FBXL13: variants seen among roughly 807,000 people sequenced by gnomAD.
FBXL13 encodes F-box and leucine rich repeat protein 13.
A neutral mutation model predicts 83.6 loss-of-function variants in FBXL13; 67 were observed. That is an observed-to-expected ratio of 0.80 (90% CI 0.66 to 0.98). The LOEUF (loss-of-function observed/expected upper bound fraction) is 0.98. Among genes scored for constraint, FBXL13 ranks in the 50% least tolerant of loss-of-function variants. The pLI, the probability that FBXL13 is intolerant of heterozygous loss-of-function variation, is 0.00. For synonymous variants in FBXL13, 272 were observed against 299.5 expected, an observed-to-expected ratio of 0.91 and a Z score of 0.95; for missense variants, 822 against 866.5, an observed-to-expected ratio of 0.95 and a Z score of 0.64.
At position 103,060,020 on chromosome 7, in the gene FBXL13, TTATATATATATATATATATATATA is replaced by T. The variant is rs772728840; in HGVS notation, c.-104-4297_-104-4274del. The stretch of plus-strand genomic sequence containing the variant: ...CAACAGATAATGATAGCAAGATATT[TTATATATATATATATATATATATA>T]TATATATATATATATATATACTTTT... On this transcript the variant is annotated intron_variant, in intron 1 of 19. Transcript: ENST00000313221. Among the ~76,000 whole-genome samples the T allele has an allele frequency of 1.7e-3, 87 of 50,082 alleles. 4 individuals carry two copies. The highest frequency in any genetic ancestry group is 2.4e-3 in the East Asian group (2 of 830). 32.9% of individuals were successfully genotyped at this position (50,082 alleles called of 152,430 possible).
At chr7:103,032,773 C>G (rs1418595391) in intron 2 of FBXL13, among the ~76,000 whole-genome samples, 7 of 152,298 alleles carry the variant, frequency 4.6e-5, no homozygotes, top group African/African-American at 1.7e-4. Flanking sequence ...CTCACACTTG[C>G]AATCCCAAAA....
chr7:102,885,092 G>A (rs989026405), intron 11 of FBXL13, among the ~76,000 whole-genome samples: 1 of 152,084 alleles, frequency 6.6e-6, no homozygotes, highest in Non-Finnish European at 1.5e-5. Flanking sequence ...ATATCTACAC[G>A]CATGTACATC....
At chr7:102,841,756 C>G (rs1802977751) in intron 17 of FBXL13, among the ~76,000 whole-genome samples, 1 of 152,146 alleles carries the variant, frequency 6.6e-6, no homozygotes, top group Non-Finnish European at 1.5e-5. Context: ...GGTATCTTGG[C>G]AAGAGTTTAT....
chr7:102,930,233 C>T (rs1195098591), intron 9 of FBXL13, among the ~76,000 whole-genome samples: 5 of 152,152 alleles, frequency 3.3e-5, no homozygotes, highest in Non-Finnish European at 7.4e-5. Context: ...TTTTCACCAG[C>T]GAGGAGGGCT....
At chr7:102,973,351 G>A in intron 6 of FBXL13, 2 of 651,114 alleles carry the variant, frequency 3.1e-6, no homozygotes, top group Non-Finnish European at 5.6e-6. Context: ...CCGGCCAGAA[G>A]ACACCTACCC....
chr7:102,871,870 G>T (rs552442759), intron 16 of FBXL13, among the ~76,000 whole-genome samples: 2 of 152,134 alleles, frequency 1.3e-5, no homozygotes, highest in East Asian at 3.9e-4. Context: ...CCTAGTTCAA[G>T]AACTCCTCAT....
intron 17 of FBXL13, among the ~76,000 whole-genome samples, chr7:102,852,553 G>A (rs1313069505): frequency 6.6e-6 from 1 of 152,084 alleles, no homozygotes; most frequent in African/African-American, 2.4e-5. Context: ...CTCAAAAGAA[G>A]CTATACAAAT....
chr7:103,036,941 T>G (rs943446641), intron 2 of FBXL13, among the ~76,000 whole-genome samples: 2 of 152,240 alleles, frequency 1.3e-5, no homozygotes, highest in Non-Finnish European at 2.9e-5. Context: ...CAATGTTTCT[T>G]AAACATGTTC....
At chr7:102,956,466 A>C (rs1175078718) in intron 8 of FBXL13, among the ~76,000 whole-genome samples, 11 of 152,188 alleles carry the variant, frequency 7.2e-5, no homozygotes, top group African/African-American at 2.4e-4. Flanking sequence ...CCCTTTGAAA[A>C]CCAGCACGAG....
intron 2 of FBXL13, among the ~76,000 whole-genome samples, chr7:103,053,099 T>C (rs1465005123): frequency 6.6e-6 from 1 of 152,010 alleles, no homozygotes; most frequent in Admixed American, 6.6e-5. Flanking sequence ...GAAGTAGCTA[T>C]GATGTCTCTT....
At chr7:102,972,100 G>A (rs1009728641) in intron 6 of FBXL13, among the ~76,000 whole-genome samples, 6 of 151,546 alleles carry the variant, frequency 4.0e-5, no homozygotes, top group Non-Finnish European at 8.8e-5. Context: ...CCTTCACAAA[G>A]GAACTTCTAA....
At chr7:103,015,060 G>T (rs1792125247) in intron 6 of FBXL13, among the ~76,000 whole-genome samples, 1 of 150,868 alleles carries the variant, frequency 6.6e-6, no homozygotes, top group Non-Finnish European at 1.5e-5. Flanking sequence ...ATCAATAAAT[G>T]TGATACACCA....
intron 16 of FBXL13, among the ~76,000 whole-genome samples, chr7:102,867,348 A>G (rs1437830373): frequency 1.3e-5 from 2 of 151,562 alleles, no homozygotes; most frequent in Non-Finnish European, 2.9e-5. Flanking sequence ...ACACAGAAAG[A>G]CTCTGTATCC....
intron 8 of FBXL13, among the ~76,000 whole-genome samples, chr7:102,956,898 T>A (rs1824360161): frequency 2.0e-5 from 3 of 152,120 alleles, no homozygotes; most frequent in Admixed American, 2.0e-4. Context: ...CACAAACAAA[T>A]GGAAGAACAT....
Position 102,934,189 on chromosome 7 carries a change from G to C in FBXL13, c.725-2256C>G, listed in dbSNP as rs755249993. The C allele has an allele frequency of 1.4e-5, 22 of 1,614,086 alleles. No individual in the cohort carries two copies. The Admixed American group carries it at 3.5e-4, about 26-fold the overall frequency. ...TGCACATGCTGCTAGCAAGAAACAA[G>C]ATCCGCACATTGAAGAACAACATGT... On this transcript the variant is annotated intron_variant, in intron 8 of 19. Transcript: ENST00000313221.
rs1828771822 is a variant in FBXL13, at chr7:102,985,012, C to T, written c.496-16895G>A. 3.9e-5 allele frequency among the ~76,000 whole-genome samples: 6 copies of T among 152,108 alleles called. No individual in the cohort carries two copies. In the South Asian group the frequency reaches 1.2e-3, roughly 32 times the overall value. ...ATTTTTATTTGCTAGTTCTGGCAAC[C>T]CTACCCTTGATTGGGGTCCTGCATT... On this transcript the variant is annotated intron_variant, in intron 6 of 19. Transcript: ENST00000313221.
rs148342745 is a variant in FBXL13 at position 103,065,422 on chromosome 7, G to A, written c.-105+8824C>T. Among the ~76,000 whole-genome samples the A allele has an allele frequency of 1.3e-3, 203 of 152,068 alleles. 1 individual carries two copies. In the East Asian group the frequency reaches 0.014, roughly 10 times the overall value. On this transcript the variant is annotated intron_variant, in intron 1 of 19. Transcript: ENST00000313221. ...TTGATAATGAAAATACCCACACCCC[G>A]GGTGTGGTTTCTTTCCAACTCTCCG...
intron 16 of FBXL13, among the ~76,000 whole-genome samples, chr7:102,862,221 C>T (rs1182896578): frequency 1.3e-5 from 2 of 150,618 alleles, no homozygotes; most frequent in South Asian, 2.1e-4. Flanking sequence ...CCCCGCTACT[C>T]GGTAGGCTGA....
intron 6 of FBXL13, among the ~76,000 whole-genome samples, chr7:102,999,304 T>C (rs1790148668): frequency 6.6e-6 from 1 of 152,152 alleles, no homozygotes; most frequent in African/African-American, 2.4e-5. Context: ...TTTTACCATG[T>C]TGTTGTATTC....
Sources: gnomAD v4.1 joint callset for allele counts (sites outside exome capture counted in the v4.1 genomes callset) on GRCh38, gnomAD v4.1.1 for gene constraint, MANE v1.5 for transcripts, NCBI Gene and HGNC (gene_info 2026-07-23, HGNC 2026-07-21) for gene names.